TENM3: variants seen among roughly 807,000 people sequenced by gnomAD.
TENM3 encodes the protein teneurin-3.
Under a neutral mutation model 255.1 loss-of-function variants are expected in TENM3, and 63 were observed. That is an observed-to-expected ratio of 0.25 (90% CI 0.20 to 0.30). The LOEUF (loss-of-function observed/expected upper bound fraction) is 0.30. Among genes scored for constraint, TENM3 ranks in the 10% least tolerant of loss-of-function variants. The pLI, the probability that TENM3 is intolerant of heterozygous loss-of-function variation, is 1.00. For synonymous variants in TENM3, 1,306 were observed against 1,322.3 expected (o/e 0.99, Z 0.27); for missense variants, 2,929 against 3,461.1 (o/e 0.85, Z 3.86).
At chr4:182,207,987 TCG>T (rs1214812354) in intron 1 of TENM3, among the ~76,000 whole-genome samples, 1 of 152,224 alleles carries the variant, frequency 6.6e-6, no homozygotes, top group Non-Finnish European at 1.5e-5. Context: ...GTCCTTGAAG[TCG>T]TGTGTTTCCT....
chr4:182,523,503 T>C (rs748895965), intron 3 of TENM3, among the ~76,000 whole-genome samples: 125 of 152,142 alleles, frequency 8.2e-4, no homozygotes, highest in Non-Finnish European at 1.4e-3. Context: ...AGTAAATTAG[T>C]GGGTACTGAG....
intron 3 of TENM3, among the ~76,000 whole-genome samples, chr4:182,516,588 G>A (rs1737974867): frequency 6.6e-6 from 1 of 152,088 alleles, no homozygotes; most frequent in South Asian, 2.1e-4. Flanking sequence ...TAACGTGTAA[G>A]CAGATGAATT....
Position 182,389,779 on chromosome 4 carries a change from G to A in TENM3, c.511+42850G>A, listed in dbSNP as rs913163510. On this transcript the variant is annotated intron_variant, in intron 3 of 27. Coordinates refer to ENST00000511685, the MANE Select transcript of TENM3 (RefSeq NM_001080477.4). ...CGGCTCACTGCAAGCTCCGCCTCCC[G>A]GGTTCGCGCCATTCTCCTGCCTCAG... Among the ~76,000 whole-genome samples, 69 of 149,490 alleles carry A rather than the reference G, an allele frequency of 4.6e-4. No homozygotes were observed. In the East Asian group the frequency reaches 5.6e-3, roughly 12 times the overall value.
the TENM3 span, among the ~76,000 whole-genome samples, chr4:181,883,387 A>G: frequency 6.6e-6 from 1 of 152,154 alleles, no homozygotes; most frequent in Non-Finnish European, 1.5e-5. Context: ...ATAATACTAC[A>G]TACCATGTCA....
chr4:181,743,694 A>G, the TENM3 span, among the ~76,000 whole-genome samples: 3 of 152,174 alleles, frequency 2.0e-5, no homozygotes, highest in Non-Finnish European at 4.4e-5. Flanking sequence ...AGGGGGGGCC[A>G]CACATAAATT....
chr4:182,357,321 T>G (rs1391229297), intron 3 of TENM3, among the ~76,000 whole-genome samples: 1 of 151,820 alleles, frequency 6.6e-6, no homozygotes, highest in Non-Finnish European at 1.5e-5. Flanking sequence ...TGAACTAGTT[T>G]ACAGTCCCAC....
intron 16 of TENM3, 92 bp downstream of exon 16, chr4:182,731,231 C>T: frequency 7.8e-7 from 1 of 1,286,302 alleles, no homozygotes; most frequent in South Asian, 1.4e-5. Flanking sequence ...AGAGTCCGGG[C>T]ACGGTGGCTC....
In TENM3 at chr4:182,754,602, A is replaced by G. The variant is rs1424922477; in HGVS notation, c.4235A>G (p.Tyr1412Cys). 4 of 1,614,016 alleles carry G rather than the reference A, an allele frequency of 2.5e-6. No individual in the cohort carries two copies. Among genetic ancestry groups the G allele is most frequent in the Admixed American group, 3.3e-5 (2 of 60,030 alleles). The change falls in exon 22 of 28, where the codon TAC becomes TGC. Residue 1412 changes from tyrosine (Y) to cysteine (C), a missense_variant. By Grantham distance (194) the Tyr-to-Cys change is radical (BLOSUM62 -2). Around this residue, in one of 6 missense-constraint regions of TENM3, gnomAD observed 1,608 missense variants for 1,884.4 expected, o/e 0.85. Transcript: ENST00000511685. This position sits in a 1 kb window ranked among gnomAD's most constrained non-coding sequence, Gnocchi z 5.1. ...LESATAIAVS[Y>C]SGVLYITETD... ...TCAGCCACTGCCATTGCTGTGTCCT[A>G]CAGTGGGGTCCTGTACATTACTGAA...
the TENM3 span, among the ~76,000 whole-genome samples, chr4:181,484,374 T>A: frequency 1.3e-4 from 20 of 152,170 alleles, no homozygotes; most frequent in Admixed American, 1.3e-3. Context: ...GATGTGTGAC[T>A]CTTCCGGTGA....
chr4:182,576,309 G>A (rs75854008), intron 3 of TENM3, among the ~76,000 whole-genome samples: 1,929 of 152,222 alleles, frequency 0.013, 46 homozygotes, highest in African/African-American at 0.044. Flanking sequence ...ACACACATGC[G>A]GTAGGTCTGT....
At chr4:182,636,151 G>GTAC (rs1369552360) in intron 5 of TENM3, among the ~76,000 whole-genome samples, 1 of 152,066 alleles carries the variant, frequency 6.6e-6, no homozygotes, top group Non-Finnish European at 1.5e-5. Flanking sequence ...TGTCTGAGAT[G>GTAC]GTATGGAAGC....
the TENM3 span, among the ~76,000 whole-genome samples, chr4:181,923,831 T>A: frequency 1.3e-5 from 2 of 152,168 alleles, no homozygotes; most frequent in South Asian, 4.1e-4. Context: ...TTTTAATATA[T>A]GGAGGTAAGC....
the TENM3 span, among the ~76,000 whole-genome samples, chr4:181,513,446 G>T: frequency 6.6e-6 from 1 of 152,108 alleles, no homozygotes; most frequent in Non-Finnish European, 1.5e-5. Context: ...GGCCCTCAGG[G>T]TTTAGCTCCA....
chr4:182,101,618 T>C, the TENM3 span, among the ~76,000 whole-genome samples: 1 of 152,000 alleles, frequency 6.6e-6, no homozygotes, highest in Non-Finnish European at 1.5e-5. Context: ...GCAGGGGGGA[T>C]GATGGGCAGG....
the TENM3 span, among the ~76,000 whole-genome samples, chr4:181,978,977 G>GAA: frequency 1.5e-5 from 2 of 129,412 alleles, no homozygotes; most frequent in African/African-American, 2.9e-5. Flanking sequence ...TTGCTTAAGT[G>GAA]AAAAAAAAAA....
chr4:181,840,986 C>A, the TENM3 span, among the ~76,000 whole-genome samples: 1 of 152,096 alleles, frequency 6.6e-6, no homozygotes, highest in Non-Finnish European at 1.5e-5. Flanking sequence ...AGTTTTCTAG[C>A]AATCCATGCT....
the TENM3 span, among the ~76,000 whole-genome samples, chr4:181,565,843 T>C: frequency 6.6e-6 from 1 of 152,200 alleles, no homozygotes; most frequent in Non-Finnish European, 1.5e-5. Context: ...AATCCTATGA[T>C]TTATGGAAAG....
chr4:181,477,152 G>A, the TENM3 span, among the ~76,000 whole-genome samples: 2 of 152,010 alleles, frequency 1.3e-5, no homozygotes, highest in Non-Finnish European at 2.9e-5. Context: ...TCTACTCAGC[G>A]CCAGTTACAT....
At chr4:181,937,818 A>G in the TENM3 span, among the ~76,000 whole-genome samples, 1 of 152,174 alleles carries the variant, frequency 6.6e-6, no homozygotes, top group Non-Finnish European at 1.5e-5. Flanking sequence ...TGCCCCAGTC[A>G]TCTTTCTCCC....
Sources: allele counts gnomAD v4.1 joint callset (sites outside exome capture counted in the v4.1 genomes callset), GRCh38; gene constraint gnomAD v4.1.1; regional missense constraint gnomAD v4.1.1; non-coding constraint Gnocchi (gnomAD v3.1); transcripts MANE v1.5; gene names NCBI Gene and HGNC (gene_info 2026-07-23, HGNC 2026-07-21).